The following EFNB2 variants were observed in gnomAD, a reference collection of about 807,000 sequenced individuals.
EFNB2 encodes the protein ephrin B2.
Under a neutral mutation model 32.1 loss-of-function variants are expected in EFNB2, and 5 were observed. That is an observed-to-expected ratio of 0.16 (90% confidence interval 0.08 to 0.33). The LOEUF is 0.33. EFNB2 is among the 10% of genes least tolerant of loss of function. The probability of loss-of-function intolerance (pLI) is 1.00; values close to 1 mark genes in which losing one functional copy is unlikely to be tolerated. For synonymous variants in EFNB2, 168 were observed against 166.5 expected, an observed-to-expected ratio of 1.01 and a Z score of -0.07; for missense variants, 263 against 422.6, an observed-to-expected ratio of 0.62 and a Z score of 3.31.
intron 2 of EFNB2, among the ~76,000 whole-genome samples, chr13:106,499,290 A>T (rs1878695706): frequency 6.6e-6 from 1 of 151,750 alleles, no homozygotes; most frequent in Non-Finnish European, 1.5e-5. Context: ...AAAGTCTCCT[A>T]TCCCAATTAT....
rs1230753011 is a variant in EFNB2, at chr13:106,518,880, G to A, written c.123-6068C>T. ...TTCTCACGGTTGGCCAAAGAGTGTAGATTAACCGAGAAGAAAACCCAAATC... is the reference window on the plus strand; with the variant it reads ...TTCTCACGGTTGGCCAAAGAGTGTAAATTAACCGAGAAGAAAACCCAAATC... On this transcript the variant is annotated intron_variant, in intron 1 of 4. Transcript: ENST00000646441. The surrounding 1 kb of genome is among the most constrained non-coding windows in gnomAD (Gnocchi z 4.1). 6.6e-6 allele frequency: 1 copy of A among 152,200 alleles called. No homozygotes were observed. The highest frequency in any genetic ancestry group is 2.4e-5 in the African/African-American group (1 of 41,434). The allele number at this position is 152,200 out of a possible 1,614,324, so 9.4% of individuals were successfully genotyped here. A position where few individuals can be genotyped will look rare whatever the true frequency, so the allele number is the denominator to read the frequency against.
intron 1 of EFNB2, among the ~76,000 whole-genome samples, chr13:106,528,682 C>G (rs536308646): frequency 1.3e-5 from 2 of 152,248 alleles, no homozygotes; most frequent in South Asian, 2.1e-4. Flanking sequence ...TGGCTTGACC[C>G]GATTGCGGAT....
intron 2 of EFNB2, among the ~76,000 whole-genome samples, chr13:106,510,751 C>A (rs529720419): frequency 2.0e-5 from 3 of 151,074 alleles, no homozygotes; most frequent in Admixed American, 6.6e-5. Flanking sequence ...CGGTGGCTCA[C>A]GCCTGGAATC....
chr13:106,515,459 G>A (rs1328658322), intron 1 of EFNB2, among the ~76,000 whole-genome samples: 1 of 152,030 alleles, frequency 6.6e-6, no homozygotes, highest in African/African-American at 2.4e-5. Context: ...AAAGTAAATC[G>A]TGACAAAGCT....
chr13:106,496,919 CAA>C (rs377081369), intron 2 of EFNB2, among the ~76,000 whole-genome samples: 2 of 152,158 alleles, frequency 1.3e-5, no homozygotes, highest in East Asian at 1.9e-4. Context: ...GGGCAAGGAA[CAA>C]AAGTGTTTCA....
chr13:106,531,067 GAGT>G (rs1367581470), intron 1 of EFNB2, among the ~76,000 whole-genome samples: 1 of 152,182 alleles, frequency 6.6e-6, no homozygotes, highest in African/African-American at 2.4e-5. Flanking sequence ...GGAAATGTTG[GAGT>G]CATCTGCATG....
At chr13:106,533,076 TA>T (rs1879933652) in intron 1 of EFNB2, among the ~76,000 whole-genome samples, 1 of 143,652 alleles carries the variant, frequency 7.0e-6, no homozygotes, top group Non-Finnish European at 1.5e-5. Context: ...CAACTAGATT[TA>T]AACAGAAATA....
chr13:106,532,995 T>C (rs1879931132), intron 1 of EFNB2, among the ~76,000 whole-genome samples: 1 of 151,494 alleles, frequency 6.6e-6, no homozygotes, highest in African/African-American at 2.4e-5. Context: ...CACAAACTAA[T>C]AGTTAATATA....
At chr13:106,495,993 A>T (rs1878576350) in intron 2 of EFNB2, among the ~76,000 whole-genome samples, 153 bp from the exon 3 acceptor site, 1 of 152,220 alleles carries the variant, frequency 6.6e-6, no homozygotes, top group Non-Finnish European at 1.5e-5. Context: ...GGGATGCTGA[A>T]AGCCAAAAAG....
At chr13:106,514,491 C>T (rs777103771) in intron 1 of EFNB2, among the ~76,000 whole-genome samples, 1 of 152,172 alleles carries the variant, frequency 6.6e-6, no homozygotes, top group Non-Finnish European at 1.5e-5. Context: ...TTATCTCCCC[C>T]AGCCCCTCCA....
intron 1 of EFNB2, among the ~76,000 whole-genome samples, chr13:106,521,903 C>T (rs551059438): frequency 8.0e-4 from 122 of 152,014 alleles, no homozygotes; most frequent in African/African-American, 2.9e-3. Flanking sequence ...TGGTATTAAT[C>T]ATCTAGAAAT....
At chr13:106,501,107 T>C (rs935599736) in intron 2 of EFNB2, among the ~76,000 whole-genome samples, 2 of 152,360 alleles carry the variant, frequency 1.3e-5, no homozygotes, top group South Asian at 4.1e-4. Flanking sequence ...CTATGTACTC[T>C]AGAAACAAGA....
At chr13:106,514,537 T>TA (rs1879251918) in intron 1 of EFNB2, among the ~76,000 whole-genome samples, 1 of 152,218 alleles carries the variant, frequency 6.6e-6, no homozygotes, top group Admixed American at 6.5e-5. Flanking sequence ...CTGCTGAGGT[T>TA]AAAAACCTCA....
At chr13:106,511,338 TG>T (rs1401181153) in intron 2 of EFNB2, among the ~76,000 whole-genome samples, 1 of 152,148 alleles carries the variant, frequency 6.6e-6, no homozygotes, top group Non-Finnish European at 1.5e-5. Context: ...GCTCTTGAGC[TG>T]GGTGCAGTGG....
chr13:106,523,461 T>C (rs1305393545), intron 1 of EFNB2, among the ~76,000 whole-genome samples: 5 of 152,114 alleles, frequency 3.3e-5, no homozygotes, highest in African/African-American at 4.8e-5. Context: ...GAGAACTGCA[T>C]GAAAGTAATT....
chr13:106,531,785 A>C (rs1301954791), intron 1 of EFNB2, among the ~76,000 whole-genome samples: 1 of 152,220 alleles, frequency 6.6e-6, no homozygotes, highest in East Asian at 1.9e-4. Flanking sequence ...ACATGGGAAA[A>C]GCAAAATGCT....
chr13:106,523,087 G>A (rs559579669), intron 1 of EFNB2, among the ~76,000 whole-genome samples: 7 of 152,168 alleles, frequency 4.6e-5, no homozygotes, highest in Non-Finnish European at 7.3e-5. Flanking sequence ...GGCTTCAGAG[G>A]AGGGTCAGGG....
At chr13:106,512,029 T>A (rs1388645977) in intron 2 of EFNB2, among the ~76,000 whole-genome samples, 2 of 152,212 alleles carry the variant, frequency 1.3e-5, no homozygotes, top group East Asian at 3.8e-4. Flanking sequence ...TTCGAATTTA[T>A]GAGCTCCATC....
intron 1 of EFNB2, among the ~76,000 whole-genome samples, chr13:106,513,206 C>T (rs1879202216): frequency 6.6e-6 from 1 of 152,028 alleles, no homozygotes; most frequent in African/African-American, 2.4e-5. Flanking sequence ...TTGGGCATGC[C>T]ACAGAGAAAG....
Sources: allele counts gnomAD v4.1 joint callset (sites outside exome capture counted in the v4.1 genomes callset), GRCh38; gene constraint gnomAD v4.1.1; non-coding constraint Gnocchi (gnomAD v3.1); transcripts MANE v1.5; gene names NCBI Gene and HGNC (gene_info 2026-07-23, HGNC 2026-07-21).